DPP10: variants seen among roughly 807,000 people sequenced by gnomAD.
DPP10 encodes dipeptidyl peptidase like 10.
DPP10 carries 33 observed loss-of-function variants against 120.9 expected under a neutral mutation model. That is an observed-to-expected ratio of 0.27 (90% confidence interval 0.21 to 0.37). The LOEUF is 0.37. Among genes scored for constraint, DPP10 ranks in the 10% least tolerant of loss-of-function variants. The pLI, the probability that DPP10 is intolerant of heterozygous loss-of-function variation, is 1.00. For missense variants in DPP10, 816 were observed against 942.8 expected, an observed-to-expected ratio of 0.87 and a Z score of 1.76; for synonymous variants, 337 against 326.1, an observed-to-expected ratio of 1.03 and a Z score of -0.36.
intron 12 of DPP10, among the ~76,000 whole-genome samples, chr2:115,764,605 T>C (rs899639743): frequency 1.3e-5 from 2 of 152,138 alleles, no homozygotes; most frequent in Non-Finnish European, 2.9e-5. Flanking sequence ...GTTTAACATA[T>C]GTCAACATAA....
chr2:115,590,332 G>GACA (rs1260730384), intron 5 of DPP10, among the ~76,000 whole-genome samples: 3 of 151,656 alleles, frequency 2.0e-5, no homozygotes, highest in Non-Finnish European at 4.4e-5. Context: ...CCCACCTCAC[G>GACA]ACAGGCTCCA....
chr2:114,751,020 T>C (rs943718922), intron 1 of DPP10, among the ~76,000 whole-genome samples: 3 of 152,230 alleles, frequency 2.0e-5, no homozygotes, highest in Non-Finnish European at 4.4e-5. Flanking sequence ...GTCAACCCTC[T>C]TGAAAATGTT....
intron 5 of DPP10, among the ~76,000 whole-genome samples, chr2:115,558,913 G>T (rs1477851332): frequency 1.3e-5 from 2 of 152,136 alleles, no homozygotes; most frequent in Non-Finnish European, 2.9e-5. Flanking sequence ...ATCACTGGGG[G>T]AATTGTATTT....
intron 1 of DPP10, among the ~76,000 whole-genome samples, chr2:114,473,173 T>C (rs1680075741): frequency 6.6e-6 from 1 of 152,202 alleles, no homozygotes; most frequent in Non-Finnish European, 1.5e-5. Context: ...ATAGCCCCAA[T>C]CTTCTTTCTT....
intron 5 of DPP10, among the ~76,000 whole-genome samples, chr2:115,666,389 A>C (rs967985153): frequency 6.6e-6 from 1 of 152,094 alleles, no homozygotes; most frequent in African/African-American, 2.4e-5. Context: ...AAATCATCAG[A>C]TCTCATGAGA....
chr2:114,747,807 A>T (rs1220644533), intron 1 of DPP10, among the ~76,000 whole-genome samples: 2 of 152,128 alleles, frequency 1.3e-5, no homozygotes, highest in Non-Finnish European at 2.9e-5. Context: ...TGAACTTTGC[A>T]CTTCTGTTCT....
At chr2:114,933,956 G>T (rs1452275942) in intron 1 of DPP10, among the ~76,000 whole-genome samples, 1 of 152,166 alleles carries the variant, frequency 6.6e-6, no homozygotes, top group Non-Finnish European at 1.5e-5. Flanking sequence ...ACACTGAACT[G>T]CTCTCACTTT....
chr2:114,645,329 C>T (rs1021889311), intron 1 of DPP10, among the ~76,000 whole-genome samples: 18 of 152,192 alleles, frequency 1.2e-4, no homozygotes, highest in Admixed American at 9.2e-4. Context: ...GAAAAACAAA[C>T]TGTCCTAAAC....
chr2:114,832,913 G>T (rs1574296364), intron 1 of DPP10, among the ~76,000 whole-genome samples: 2 of 151,846 alleles, frequency 1.3e-5, no homozygotes, highest in African/African-American at 2.4e-5. Context: ...AAGAATAATT[G>T]CCATTTCAAA....
At chr2:114,769,839 C>T (rs949170325) in intron 1 of DPP10, among the ~76,000 whole-genome samples, 1 of 152,088 alleles carries the variant, frequency 6.6e-6, no homozygotes, top group Non-Finnish European at 1.5e-5. Context: ...CAAGTTTATA[C>T]CCAAAGACAT....
intron 1 of DPP10, among the ~76,000 whole-genome samples, chr2:114,535,126 G>A (rs1412526607): frequency 6.6e-6 from 1 of 151,716 alleles, no homozygotes; most frequent in African/African-American, 2.4e-5. Flanking sequence ...AATTTAGTGG[G>A]TTTCATGGGG....
chr2:115,481,311 A>C (rs1202147154), intron 3 of DPP10, among the ~76,000 whole-genome samples: 2 of 152,132 alleles, frequency 1.3e-5, no homozygotes, highest in Non-Finnish European at 2.9e-5. Context: ...CTGTGGCTTA[A>C]TTATCATTTA....
intron 13 of DPP10, among the ~76,000 whole-genome samples, chr2:115,770,975 C>A (rs1477683328): frequency 1.3e-5 from 2 of 151,984 alleles, no homozygotes; most frequent in African/African-American, 4.8e-5. Context: ...TAATTGTATT[C>A]CTAATATTTA....
rs551135416 is a variant in DPP10 at position 115,306,088 on chromosome 2, C to A, written c.61-3151C>A. The stretch of plus-strand genomic sequence containing the variant: ...AATTGTCATTATTATTCCAGTTGTT[C>A]AGGTAAAAATTTTGAGGCTCAGAAT... On this transcript the variant is annotated intron_variant, in intron 1 of 25. Coordinates refer to ENST00000410059, the MANE Select transcript of DPP10 (RefSeq NM_020868.6). Among the ~76,000 whole-genome samples the A allele has an allele frequency of 2.6e-5, 4 of 151,916 alleles. No homozygotes were observed. The South Asian group carries it at 8.3e-4, about 32-fold the overall frequency.
At chr2:115,058,276 CAAAAAAAAAAAAAA>C (rs556050613) in intron 1 of DPP10, among the ~76,000 whole-genome samples, 7 of 113,988 alleles carry the variant, frequency 6.1e-5, no homozygotes, top group Admixed American at 1.9e-4. Context: ...CATAAAGGGA[CAAAAAAAAAAAAAA>C]AAAAAAAAAA....
chr2:115,452,324 A>G (rs2073172506), intron 3 of DPP10, among the ~76,000 whole-genome samples: 2 of 151,930 alleles, frequency 1.3e-5, no homozygotes, highest in Admixed American at 1.3e-4. Context: ...GTGCTGTAGC[A>G]TGCCCCCATA....
chr2:115,017,750 A>G (rs1162870638), intron 1 of DPP10, among the ~76,000 whole-genome samples: 1 of 152,074 alleles, frequency 6.6e-6, no homozygotes, highest in Non-Finnish European at 1.5e-5. Flanking sequence ...AAACTATCGC[A>G]AGGACAAAAA....
intron 3 of DPP10, among the ~76,000 whole-genome samples, chr2:115,372,598 C>T (rs1025082418): frequency 4.6e-5 from 7 of 152,126 alleles, no homozygotes; most frequent in Admixed American, 1.3e-4. Flanking sequence ...CTATCACACA[C>T]CCAGGCACCC....
At chr2:114,450,853 T>C (rs1427520408) in intron 1 of DPP10, among the ~76,000 whole-genome samples, 2 of 152,242 alleles carry the variant, frequency 1.3e-5, no homozygotes, top group East Asian at 3.9e-4. Context: ...CACAGGTTAC[T>C]GCTGATTTCA....
Sources: allele counts gnomAD v4.1 joint callset (sites outside exome capture counted in the v4.1 genomes callset), GRCh38; gene constraint gnomAD v4.1.1; transcripts MANE v1.5; gene names NCBI Gene and HGNC (gene_info 2026-07-23, HGNC 2026-07-21).